Variants in SH3KBP1 observed in about 807,000 individuals in gnomAD.
SH3KBP1 encodes the protein SH3 domain-containing kinase-binding protein 1.
In SH3KBP1, 8 loss-of-function variants were observed where a neutral mutation model predicts 50.1. The ratio of observed to expected loss-of-function variants is 0.16; its 90% CI spans 0.09 to 0.29. The LOEUF is 0.29. Ranked by LOEUF, SH3KBP1 falls within the 10% of genes least tolerant of loss-of-function variation. SH3KBP1 has a pLI of 1.00. For synonymous variants in SH3KBP1, 227 were observed against 218.6 expected (o/e 1.04, Z -0.34); for missense variants, 377 against 535.2 (o/e 0.70, Z 2.92).
chrX:19,565,641 G>A (rs985341361), intron 13 of SH3KBP1, among the ~76,000 whole-genome samples: 3 of 111,382 alleles, frequency 2.7e-5, no homozygotes, highest in Non-Finnish European at 3.8e-5. Context: ...CACTATATTA[G>A]CAGAATGATT....
intron 6 of SH3KBP1, among the ~76,000 whole-genome samples, chrX:19,665,525 G>T (rs1036268889): frequency 1.8e-5 from 2 of 111,769 alleles, no homozygotes; most frequent in Non-Finnish European, 3.8e-5. Context: ...TAGAGAGAGA[G>T]AAAAATATCT....
At chrX:19,617,989 G>A (rs952063331) in intron 8 of SH3KBP1, among the ~76,000 whole-genome samples, 3 of 112,041 alleles carry the variant, frequency 2.7e-5, no homozygotes, top group African/African-American at 9.7e-5. Flanking sequence ...TCAGTGTCAC[G>A]AAGGCAGGAA....
At chrX:19,658,607 C>T (rs752697653) in intron 6 of SH3KBP1, among the ~76,000 whole-genome samples, 8 of 111,049 alleles carry the variant, frequency 7.2e-5, no homozygotes, top group Non-Finnish European at 1.5e-4. Context: ...CATTGTCACC[C>T]GGGATGGAGT....
chrX:19,657,790 A>G (rs1410927744), intron 6 of SH3KBP1, among the ~76,000 whole-genome samples: 2 of 109,508 alleles, frequency 1.8e-5, no homozygotes, highest in Non-Finnish European at 3.8e-5. Context: ...TGAACCTAGA[A>G]GACATTAAAG....
At chrX:19,772,108 G>C (rs1484749533) in intron 2 of SH3KBP1, among the ~76,000 whole-genome samples, 1 of 111,080 alleles carries the variant, frequency 9.0e-6, no homozygotes, top group Non-Finnish European at 1.9e-5. Flanking sequence ...ACTTGTGTTG[G>C]TGGTTTAAAA....
intron 5 of SH3KBP1, among the ~76,000 whole-genome samples, chrX:19,688,242 C>T (rs538416714): frequency 1.8e-5 from 2 of 112,014 alleles, no homozygotes; most frequent in African/African-American, 6.5e-5. Flanking sequence ...ACCCTCAGTA[C>T]CTTTAAGCAA....
At chrX:19,556,358 G>C (rs1485296928) in intron 13 of SH3KBP1, among the ~76,000 whole-genome samples, 3 of 108,164 alleles carry the variant, frequency 2.8e-5, no homozygotes, top group African/African-American at 1.0e-4. Flanking sequence ...TACTTTCTCC[G>C]CATTGCAGAA....
At chrX:19,735,196 C>G (rs1302190458) in intron 3 of SH3KBP1, among the ~76,000 whole-genome samples, 1 of 111,633 alleles carries the variant, frequency 9.0e-6, no homozygotes, top group Non-Finnish European at 1.9e-5. Flanking sequence ...ATCTTCTCTC[C>G]TTTTTTCTTG....
chrX:19,837,164 T>C (rs930678801), intron 1 of SH3KBP1, among the ~76,000 whole-genome samples: 2 of 112,152 alleles, frequency 1.8e-5, no homozygotes, highest in African/African-American at 3.2e-5. Context: ...ACAGGTGGCA[T>C]AGAGGGCCTG....
intron 1 of SH3KBP1, among the ~76,000 whole-genome samples, chrX:19,877,641 C>A (rs1168719522): frequency 8.9e-6 from 1 of 112,119 alleles, no homozygotes; most frequent in Non-Finnish European, 1.9e-5. Flanking sequence ...CCAGAAAAAT[C>A]TGGCAAAAAC....
At chrX:19,592,535 G>A (rs775977853) in intron 10 of SH3KBP1, among the ~76,000 whole-genome samples, 3 of 111,402 alleles carry the variant, frequency 2.7e-5, no homozygotes, top group Non-Finnish European at 3.8e-5. Flanking sequence ...CCAAAAAAAG[G>A]GGGTTTCATA....
intron 6 of SH3KBP1, among the ~76,000 whole-genome samples, chrX:19,665,530 A>G (rs1010938206): frequency 8.9e-6 from 1 of 111,976 alleles, no homozygotes; most frequent in African/African-American, 3.2e-5. Flanking sequence ...AGAGAGAAAA[A>G]TATCTATTAG....
At chrX:19,550,143 G>A in intron 13 of SH3KBP1, 60 bp from the exon 14 acceptor site, 1 of 703,581 alleles carries the variant, frequency 1.4e-6, no homozygotes, top group Non-Finnish European at 2.2e-6. Flanking sequence ...CTTATGATAT[G>A]TCATAAGCAC....
At chrX:19,739,230 T>A (rs999210018) in intron 3 of SH3KBP1, among the ~76,000 whole-genome samples, 1 of 111,207 alleles carries the variant, frequency 9.0e-6, no homozygotes, top group Admixed American at 9.6e-5. Flanking sequence ...TTATCAAAAA[T>A]ACTTATGCTC....
chrX:19,763,074 G>A (rs957796973), intron 2 of SH3KBP1, among the ~76,000 whole-genome samples: 6 of 111,681 alleles, frequency 5.4e-5, no homozygotes, highest in African/African-American at 2.0e-4. Flanking sequence ...TAACCCACAT[G>A]AAACCACCCA....
intron 1 of SH3KBP1, among the ~76,000 whole-genome samples, chrX:19,847,535 A>C (rs1399699137): frequency 1.8e-5 from 2 of 112,225 alleles, no homozygotes; most frequent in Admixed American, 9.5e-5. Context: ...TCTTCAAAGC[A>C]GTCTAGAATT....
Position 19,534,359 on chromosome X carries a change from C to G in SH3KBP1, c.*2058G>C, listed in dbSNP as rs947412670. The G allele has an allele frequency of 2.7e-5, 3 of 111,080 alleles. No individual in the cohort carries two copies. Among genetic ancestry groups the G allele is most frequent in the African/African-American group, 9.8e-5 (3 of 30,519 alleles). The allele number at this position is 111,080 out of a possible 1,213,427, so 9.2% of individuals were successfully genotyped here. A position where few individuals can be genotyped will look rare whatever the true frequency, so the allele number is the denominator to read the frequency against. ...GCCTCTATGAGGGGGAAGACATCAG[C>G]TCTCTACATTCCATGTTGCCAGTGT... On this transcript the variant is annotated 3_prime_UTR_variant, in exon 18 of 18. Transcript: ENST00000397821.
chrX:19,566,416 G>A (rs1324360879), intron 13 of SH3KBP1, among the ~76,000 whole-genome samples: 1 of 105,934 alleles, frequency 9.4e-6, no homozygotes, highest in Non-Finnish European at 1.9e-5. Context: ...AGAATGCAAA[G>A]GTCAAAGGTG....
intron 6 of SH3KBP1, among the ~76,000 whole-genome samples, chrX:19,672,032 T>C (rs1232916851): frequency 1.8e-5 from 2 of 112,344 alleles, no homozygotes; most frequent in Non-Finnish European, 3.8e-5. Flanking sequence ...TAAGGGGCTT[T>C]AAATAAGATG....
Sources: allele counts gnomAD v4.1 joint callset (sites outside exome capture counted in the v4.1 genomes callset), GRCh38; gene constraint gnomAD v4.1.1; transcripts MANE v1.5; gene names NCBI Gene and HGNC (gene_info 2026-07-23, HGNC 2026-07-21).